Variants in CYP46A1 observed in about 807,000 individuals in gnomAD.
CYP46A1 encodes cholesterol 24-hydroxylase.
In CYP46A1, 20 loss-of-function variants were observed where a neutral mutation model predicts 63.3. The observed-to-expected ratio is 0.32, with a 90% CI of 0.22 to 0.46. The LOEUF (loss-of-function observed/expected upper bound fraction) is 0.46. Among genes scored for constraint, CYP46A1 ranks in the 20% least tolerant of loss-of-function variants. The pLI is 1.00. For missense variants in CYP46A1, 445 were observed against 670.8 expected (o/e 0.66, Z 3.72); for synonymous variants, 268 against 273.6 (o/e 0.98, Z 0.20).
chr14:99,710,303 C>G (rs1049500425), intron 7 of CYP46A1: 25 of 151,976 alleles, frequency 1.6e-4, no homozygotes, highest in African/African-American at 6.0e-4. Context: ...AACAATTAAC[C>G]AAATGACTAG....
At chr14:99,705,247 A>G (rs1237075677) in intron 5 of CYP46A1, among the ~76,000 whole-genome samples, 6 of 152,106 alleles carry the variant, frequency 3.9e-5, no homozygotes, top group African/African-American at 1.4e-4. Context: ...TCACTCTTTC[A>G]CCCAGACTGG....
In CYP46A1 at chr14:99,725,815, A is replaced by G. The variant is rs114587896; in HGVS notation, c.1265+336A>G. 0.018 allele frequency among the ~76,000 whole-genome samples: 2,797 copies of G among 152,266 alleles called. 93 individuals carry two copies. The highest frequency in any genetic ancestry group is 0.06 in the African/African-American group (2,494 of 41,536). On this transcript the variant is annotated intron_variant, in intron 13 of 14. Coordinates refer to ENST00000261835, the MANE Select transcript of CYP46A1 (RefSeq NM_006668.2). The surrounding 1 kb of genome is among the most constrained non-coding windows in gnomAD (Gnocchi z 4.2). The stretch of plus-strand genomic sequence containing the variant: ...CATCTGCAAGTTGCTGTGGGGGTCA[A>G]CGCGTTAAGGTACCGAAGCCATGGT...
rs1474189106 is a variant in CYP46A1 at position 99,725,132 on chromosome 14, G to T, written c.1177-259G>T. ...CATCTGTAAAATGGGGACAATGACG[G>T]CTCCCCTACAGGGCTGAGCCCAGCA... On this transcript the variant is annotated intron_variant, in intron 12 of 14. Transcript: ENST00000261835. The surrounding 1 kb of genome is among the most constrained non-coding windows in gnomAD (Gnocchi z 4.2). Among the ~76,000 whole-genome samples the T allele has an allele frequency of 6.6e-6, 1 of 152,164 alleles. No homozygotes were observed. Among genetic ancestry groups the T allele is most frequent in the African/African-American group, 2.4e-5 (1 of 41,424 alleles).
At chr14:99,708,278 C>T (rs2056697658) in intron 7 of CYP46A1, 1 of 184,576 alleles carries the variant, frequency 5.4e-6, no homozygotes, top group Non-Finnish European at 1.1e-5. Context: ...CCCCCACATG[C>T]ATCATCCACG....
At position 99,721,252 on chromosome 14, in the gene CYP46A1, G is replaced by T. The variant is rs1473469542; in HGVS notation, c.994G>T (p.Val332Leu). The part of the protein sequence containing the change: ...PEIVARLQAE[V>L]DEVIGSKRYL... ...CTTACCCCACAGGCTGCAGGCCGAG[G>T]TGGATGAGGTCATTGGTTCTAAGAG... Residue 332 changes from valine to leucine, a missense_variant, in exon 11 of 15, where the codon GTG (valine) becomes TTG (leucine). Coordinates refer to ENST00000261835, the MANE Select transcript of CYP46A1 (RefSeq NM_006668.2). 2 of 1,614,018 alleles carry T rather than the reference G, an allele frequency of 1.2e-6. No individual in the cohort carries two copies. Among genetic ancestry groups the T allele is most frequent in the Admixed American group, 1.7e-5 (1 of 60,020 alleles).
At chr14:99,718,873 T>C (rs1259939566) in intron 10 of CYP46A1, among the ~76,000 whole-genome samples, 1 of 152,086 alleles carries the variant, frequency 6.6e-6, no homozygotes, top group Non-Finnish European at 1.5e-5. Context: ...TATAAAAATT[T>C]TGGGAAAAGC....
At chr14:99,690,739 A>T (rs1158903546) in intron 1 of CYP46A1, among the ~76,000 whole-genome samples, 1 of 152,136 alleles carries the variant, frequency 6.6e-6, no homozygotes, top group Non-Finnish European at 1.5e-5. Flanking sequence ...GGAGGGGTGA[A>T]GCCTAGCGTG....
chr14:99,721,969 C>T lies in CYP46A1; in HGVS notation c.1079C>T (p.Ser360Leu), dbSNP rs769217801. 2 of 1,613,232 alleles carry T rather than the reference C, an allele frequency of 1.2e-6. No homozygotes were observed. The highest frequency in any genetic ancestry group is 1.7e-5 in the Admixed American group (1 of 59,998). Residue 360 changes from serine (S) to leucine (L), a missense_variant, in exon 12 of 15, where the codon TCG (serine) becomes TTG (leucine). Ser to Leu is a moderately radical substitution (Grantham distance 145, BLOSUM62 -2). This residue lies in a region of CYP46A1 where 95 missense variants were observed against 156.9 expected (regional missense o/e 0.61). Coordinates refer to ENST00000261835, the MANE Select transcript of CYP46A1 (RefSeq NM_006668.2). ...TGGCTTCTCTAGGTCCTCAAAGAGT[C>T]GCTGAGGCTGTACCCACCAGCATGG... The part of the protein sequence containing the change: ...LQYLSQVLKE[S>L]LRLYPPAWGT...
Position 99,718,136 on chromosome 14 carries a change from C to G in CYP46A1, c.980+10C>G, listed in dbSNP as rs754866705. The stretch of plus-strand genomic sequence containing the variant: ...CAGAGATCGTGGCAAGGTATGGGGG[C>G]TGCTCTTGGGGCTGGCAAAGAGGTC... On this transcript the variant is annotated intron_variant, in intron 10 of 14. Transcript: ENST00000261835. 1.9e-6 allele frequency: 3 copies of G among 1,613,124 alleles called. No homozygotes were observed. The highest frequency in any genetic ancestry group is 2.5e-6 in the Non-Finnish European group (3 of 1,179,196).
rs1471639223 is a variant in CYP46A1 at position 99,726,803 on chromosome 14, C to A, written c.*76C>A. On this transcript the variant is annotated 3_prime_UTR_variant, in exon 15 of 15. Coordinates refer to ENST00000261835, the MANE Select transcript of CYP46A1 (RefSeq NM_006668.2). Reference sequence around the variant, plus strand: ...ACCTCTGCTGCCCACGGCCACCCACCCTTCTCCCCTGCCCCGTCCCCTGGG... The same window carrying A: ...ACCTCTGCTGCCCACGGCCACCCACACTTCTCCCCTGCCCCGTCCCCTGGG... The A allele has an allele frequency of 1.9e-5, 24 of 1,253,226 alleles. No individual in the cohort carries two copies. The South Asian group carries it at 3.9e-4, about 21-fold the overall frequency. 77.6% of individuals were successfully genotyped at this position (1,253,226 alleles called of 1,614,324 possible). A position where few individuals can be genotyped will look rare whatever the true frequency, so the allele number is the denominator to read the frequency against.
In CYP46A1 at chr14:99,712,514, A is replaced by G. The variant is rs568840418; in HGVS notation, c.694-3296A>G. 5.3e-5 allele frequency: 8 copies of G among 151,992 alleles called. No homozygotes were observed. The South Asian group carries it at 1.5e-3, about 28-fold the overall frequency. The allele number at this position is 151,992 out of a possible 1,614,324, so 9.4% of individuals were successfully genotyped here. On this transcript the variant is annotated intron_variant, in intron 7 of 14. Transcript: ENST00000261835. ...CTATACACCAATAATGAACTCATGG[A>G]AGAAGAAACCAATAAAGCAATCCCA... is the stretch of plus-strand genomic sequence containing the variant.
chr14:99,714,136 C>T (rs974554592), intron 7 of CYP46A1, among the ~76,000 whole-genome samples: 6 of 152,188 alleles, frequency 3.9e-5, no homozygotes, highest in Middle Eastern at 3.2e-3. Context: ...AAATGTTCAA[C>T]GTCACTAATC....
intron 5 of CYP46A1, among the ~76,000 whole-genome samples, chr14:99,702,186 TATAA>T (rs1393202176): frequency 1.3e-5 from 2 of 152,186 alleles, no homozygotes; most frequent in African/African-American, 4.8e-5. Context: ...AGACATTTTA[TATAA>T]ATAGAATCAT....
chr14:99,726,754 C>G lies in CYP46A1; in HGVS notation c.*27C>G. 6.7e-7 allele frequency: 1 copy of G among 1,486,000 alleles called. No homozygotes were observed. Among genetic ancestry groups the G allele is most frequent in the Non-Finnish European group, 9.0e-7 (1 of 1,113,562 alleles). 92.1% of individuals were successfully genotyped at this position (1,486,000 alleles called of 1,614,324 possible). On this transcript the variant is annotated 3_prime_UTR_variant, in exon 15 of 15. Transcript: ENST00000261835. ...GGGGCCTCCAGGCAGGACGAGACTC[C>G]TCGGGCAAGGGCCGTGCCCGCCCAC... is the stretch of plus-strand genomic sequence containing the variant.
chr14:99,703,996 T>C (rs964019103), intron 5 of CYP46A1, among the ~76,000 whole-genome samples: 3 of 152,226 alleles, frequency 2.0e-5, no homozygotes, highest in African/African-American at 4.8e-5. Flanking sequence ...TTTGAGGTTA[T>C]GGGAAACATC....
rs969645665 is a variant in CYP46A1 at position 99,717,965 on chromosome 14, C to A, written c.908-89C>A. ...CCTGGGGGCACATGCCATTTACATGCCAGCACTGGCTGGCATAGAGGCAGG... is the reference window on the plus strand; with the variant it reads ...CCTGGGGGCACATGCCATTTACATGACAGCACTGGCTGGCATAGAGGCAGG... On this transcript the variant is annotated intron_variant, in intron 9 of 14. Transcript: ENST00000261835. 4.5e-5 allele frequency: 47 copies of A among 1,038,070 alleles called. No individual in the cohort carries two copies. In the African/African-American group the frequency reaches 6.5e-4, roughly 14 times the overall value. The allele number at this position is 1,038,070 out of a possible 1,614,324, so 64.3% of individuals were successfully genotyped here. A position where few individuals can be genotyped will look rare whatever the true frequency, so the allele number is the denominator to read the frequency against.
intron 12 of CYP46A1, among the ~76,000 whole-genome samples, chr14:99,724,180 T>C (rs1474179938): frequency 6.6e-6 from 1 of 152,320 alleles, no homozygotes; most frequent in Non-Finnish European, 1.5e-5. Flanking sequence ...AAAGACCTTG[T>C]CTCCAAACAC....
intron 7 of CYP46A1, 38 bp from the exon 8 acceptor site, chr14:99,715,772 T>C: frequency 6.2e-7 from 1 of 1,613,718 alleles, no homozygotes; most frequent in Non-Finnish European, 8.5e-7. Context: ...GGAACATGCG[T>C]GTTCACTTGG....
rs547130066 is a variant in CYP46A1, at chr14:99,716,959, G to A, written c.907+760G>A. On this transcript the variant is annotated intron_variant, in intron 9 of 14. Coordinates refer to ENST00000261835, the MANE Select transcript of CYP46A1 (RefSeq NM_006668.2). ...GACAGAGAGACAAATACTGATGGACGAAGAGGTCTGCAGGTGAAAGGCATG... is the reference window on the plus strand; with the variant it reads ...GACAGAGAGACAAATACTGATGGACAAAGAGGTCTGCAGGTGAAAGGCATG... 2.6e-5 allele frequency among the ~76,000 whole-genome samples: 4 copies of A among 152,322 alleles called. No homozygotes were observed. In the East Asian group the frequency reaches 5.8e-4, roughly 22 times the overall value.
Sources: gnomAD v4.1 joint callset for allele counts (sites outside exome capture counted in the v4.1 genomes callset) on GRCh38, gnomAD v4.1.1 for gene constraint, gnomAD v4.1.1 regional missense constraint, Gnocchi (gnomAD v3.1) non-coding constraint, MANE v1.5 for transcripts, NCBI Gene and HGNC (gene_info 2026-07-23, HGNC 2026-07-21) for gene names.